The following COL22A1 variants were observed in gnomAD, a reference collection of about 807,000 sequenced individuals.
COL22A1 encodes the protein collagen alpha-1(XXII) chain.
A neutral mutation model predicts 248.9 loss-of-function variants in COL22A1; 221 were observed. The ratio of observed to expected loss-of-function variants is 0.89; its 90% CI spans 0.80 to 0.99. The LOEUF (loss-of-function observed/expected upper bound fraction) is 0.99. Ranked by LOEUF, COL22A1 falls within the 50% of genes least tolerant of loss-of-function variation. The pLI is 0.00. For synonymous variants in COL22A1, 891 were observed against 793.4 expected, an observed-to-expected ratio of 1.12 and a Z score of -2.07; for missense variants, 2,240 against 2,179.0, an observed-to-expected ratio of 1.03 and a Z score of -0.56.
chr8:138,748,457 T>C (rs1372129811), intron 22 of COL22A1, among the ~76,000 whole-genome samples: 9 of 152,122 alleles, frequency 5.9e-5, no homozygotes, highest in Non-Finnish European at 1.2e-4. Context: ...AGTCAGACTT[T>C]GGGGACGCAC....
chr8:138,655,619 A>G (rs75245958), intron 45 of COL22A1, among the ~76,000 whole-genome samples: 2,341 of 152,190 alleles, frequency 0.015, 57 homozygotes, highest in African/African-American at 0.054. Flanking sequence ...AGCTATCCCC[A>G]CGACATGCTG....
chr8:138,783,249 C>T (rs1439235824), intron 12 of COL22A1, among the ~76,000 whole-genome samples: 1 of 152,028 alleles, frequency 6.6e-6, no homozygotes, highest in Admixed American at 6.6e-5. Context: ...AAAATGGGGA[C>T]AATCACGGTG....
In COL22A1 at chr8:138,812,994, T is replaced by G; in HGVS notation, c.1271A>C (p.Tyr424Ser). 6.2e-7 allele frequency: 1 copy of G among 1,614,002 alleles called. No homozygotes were observed. The highest frequency in any genetic ancestry group is 1.1e-5 in the South Asian group (1 of 91,074). The change falls in exon 8 of 65, where the codon TAT becomes TCT. Residue 424 changes from tyrosine to serine, a missense_variant. Tyr to Ser is a moderately radical substitution (Grantham distance 144). Transcript: ENST00000303045. ...CAATTCTGCGTGTCTCGAGTCACAA[T>G]AGATCACAATCCGCTGTAGGTCAAA... ...IDFDLQRIVI[Y>S]CDSRHAELET...
At chr8:138,793,971 G>A (rs72729700) in intron 12 of COL22A1, among the ~76,000 whole-genome samples, 321 of 152,318 alleles carry the variant, frequency 2.1e-3, no homozygotes, top group Admixed American at 4.1e-3. Context: ...AACCCAGACC[G>A]AGTGTTCTGA....
chr8:138,837,336 C>T (rs1011152919), intron 4 of COL22A1, among the ~76,000 whole-genome samples: 1 of 152,200 alleles, frequency 6.6e-6, no homozygotes, highest in Non-Finnish European at 1.5e-5. Context: ...GGGGAGTCCC[C>T]GAGAGATCCC....
At chr8:138,663,890 T>G in intron 41 of COL22A1, 150 bp from the exon 42 acceptor site, 2 of 639,810 alleles carry the variant, frequency 3.1e-6, no homozygotes, top group Non-Finnish European at 5.6e-6. Flanking sequence ...CCATACCCTC[T>G]TGCCACCTAC....
rs960131415 is a variant in COL22A1, at chr8:138,780,907, G to A, written c.1650+20C>T. ...GCCTAGTACTGCCTTGTGAGCCAGG[G>A]CAGACGGAACAGAACTTACTCTCAT... On this transcript the variant is annotated intron_variant, in intron 13 of 64. Coordinates refer to ENST00000303045, the MANE Select transcript of COL22A1 (RefSeq NM_152888.3). The A allele has an allele frequency of 2.5e-6, 4 of 1,608,924 alleles. No homozygotes were observed. Among genetic ancestry groups the A allele is most frequent in the Non-Finnish European group, 3.4e-6 (4 of 1,175,442 alleles).
At chr8:138,841,966 C>T (rs1820916855) in intron 4 of COL22A1, among the ~76,000 whole-genome samples, 1 of 152,126 alleles carries the variant, frequency 6.6e-6, no homozygotes, top group Non-Finnish European at 1.5e-5. Flanking sequence ...GGTAAGTTTG[C>T]CTGATTTTTA....
intron 30 of COL22A1, among the ~76,000 whole-genome samples, chr8:138,715,251 T>C (rs1829336040): frequency 6.6e-6 from 1 of 152,154 alleles, no homozygotes; most frequent in Non-Finnish European, 1.5e-5. Flanking sequence ...AACTAAATTC[T>C]GCGGAAATGT....
At chr8:138,675,185 A>G (rs1314665900) in intron 41 of COL22A1, among the ~76,000 whole-genome samples, 1 of 152,180 alleles carries the variant, frequency 6.6e-6, no homozygotes, top group Non-Finnish European at 1.5e-5. Flanking sequence ...TCTGGTGTGG[A>G]AGCCAGGAGG....
Position 138,676,602 on chromosome 8 carries a change from G to C in COL22A1, c.3106C>G (p.Pro1036Ala). The change falls in exon 41 of 65, where the codon CCT becomes GCT. Residue 1036 changes from proline (P) to alanine (A), a missense_variant. Pro to Ala is a conservative substitution (Grantham distance 27, BLOSUM62 -1). Transcript: ENST00000303045. ...DRGAPGIPGS[P>A]GSRGDPGIGV... ...ATGCCTGGGTCACCACGGCTGCCAG[G>C]AGAACCAGGGATCCCAGGAGCTCCT... 6.4e-7 allele frequency: 1 copy of C among 1,568,674 alleles called. No homozygotes were observed. The highest frequency in any genetic ancestry group is 8.7e-7 in the Non-Finnish European group (1 of 1,155,800).
At chr8:138,600,853 T>C (rs1256653324) in intron 60 of COL22A1, among the ~76,000 whole-genome samples, 1 of 152,216 alleles carries the variant, frequency 6.6e-6, no homozygotes, top group Non-Finnish European at 1.5e-5. Context: ...AGTCCTGATA[T>C]TTGTACACCT....
chr8:138,696,207 T>C (rs1181520259), intron 32 of COL22A1, among the ~76,000 whole-genome samples: 2 of 152,138 alleles, frequency 1.3e-5, no homozygotes, highest in South Asian at 2.1e-4. Flanking sequence ...AAAGGCAGTA[T>C]GCAACCCTTC....
intron 61 of COL22A1, 77 bp from the exon 62 acceptor site, chr8:138,597,047 C>T (rs1298796172): frequency 1.2e-5 from 15 of 1,274,144 alleles, no homozygotes; most frequent in Non-Finnish European, 6.8e-6. Flanking sequence ...ACTTGGGAAA[C>T]CAGGAAGTTC....
chr8:138,839,828 C>A (rs1384580815), intron 4 of COL22A1, among the ~76,000 whole-genome samples: 3 of 152,162 alleles, frequency 2.0e-5, no homozygotes, highest in African/African-American at 7.2e-5. Flanking sequence ...AGAAAAGTTG[C>A]CTAACGCTTT....
intron 16 of COL22A1, among the ~76,000 whole-genome samples, chr8:138,769,895 T>C (rs1314767198): frequency 6.6e-6 from 1 of 152,134 alleles, no homozygotes; most frequent in Non-Finnish European, 1.5e-5. Flanking sequence ...GTGGCTTCAG[T>C]CCCTTCAAAA....
intron 8 of COL22A1, 57 bp from the exon 9 acceptor site, chr8:138,811,978 G>A (rs953262875): frequency 6.7e-7 from 1 of 1,489,052 alleles, no homozygotes; most frequent in African/African-American, 1.4e-5. Context: ...GGCACTCCCT[G>A]GCAGAAGCAC....
intron 3 of COL22A1, among the ~76,000 whole-genome samples, chr8:138,858,832 G>A (rs117885508): frequency 2.2e-4 from 34 of 152,146 alleles, no homozygotes; most frequent in Non-Finnish European, 4.6e-4. Flanking sequence ...GTGGCACATC[G>A]CAAGTGTATC....
chr8:138,604,856 C>T, intron 58 of COL22A1, 87 bp from the exon 59 acceptor site: 2 of 1,121,562 alleles, frequency 1.8e-6, no homozygotes, highest in Non-Finnish European at 2.7e-6. Flanking sequence ...CATTTCCACT[C>T]AAGTCATGTT....
Sources: gnomAD v4.1 joint callset for allele counts (sites outside exome capture counted in the v4.1 genomes callset) on GRCh38, gnomAD v4.1.1 for gene constraint, MANE v1.5 for transcripts, NCBI Gene and HGNC (gene_info 2026-07-23, HGNC 2026-07-21) for gene names.